The following RAB38 variants were observed in gnomAD, a reference collection of about 807,000 sequenced individuals.
The protein encoded by RAB38 is RAB38, member RAS oncogene family.
Under a neutral mutation model 18.4 loss-of-function variants are expected in RAB38, and 15 were observed. The ratio of observed to expected loss-of-function variants is 0.82; its 90% CI spans 0.55 to 1.26. The LOEUF is 1.26. RAB38 is among the 50% of genes most tolerant of loss of function. RAB38 has a pLI of 0.00. For missense variants in RAB38, 294 were observed against 267.4 expected, an observed-to-expected ratio of 1.10 and a Z score of -0.69; for synonymous variants, 101 against 104.4, an observed-to-expected ratio of 0.97 and a Z score of 0.20.
chr11:88,017,045 A>G, the RAB38 span, among the ~76,000 whole-genome samples: 11 of 152,060 alleles, frequency 7.2e-5, no homozygotes, highest in African/African-American at 2.7e-4. Context: ...TAAGAGTCAT[A>G]AAAAGCTTCA....
At chr11:87,914,621 G>A in the RAB38 span, among the ~76,000 whole-genome samples, 2 of 152,140 alleles carry the variant, frequency 1.3e-5, no homozygotes, top group Non-Finnish European at 2.9e-5. Flanking sequence ...TTCAGAAGAG[G>A]AATCCAAGGG....
At chr11:88,041,939 G>A in the RAB38 span, among the ~76,000 whole-genome samples, 2 of 152,098 alleles carry the variant, frequency 1.3e-5, no homozygotes, top group Non-Finnish European at 2.9e-5. Context: ...GCTATGAGGT[G>A]CCAGTGGGTT....
chr11:87,905,860 C>A, the RAB38 span, among the ~76,000 whole-genome samples: 1 of 151,900 alleles, frequency 6.6e-6, no homozygotes, highest in Non-Finnish European at 1.5e-5. Context: ...ACTCTGACTG[C>A]AAATTAGATT....
Position 88,114,038 on chromosome 11 carries a change from G to C in RAB38, c.586C>G (p.His196Asp). ...ESIEPDVVKP[H>D]LTSTKVASCS... ...CTGGCAACCTTGGTTGATGTGAGAT[G>C]GGGCTTCACGACGTCCGGCTCAATA... Residue 196 changes from histidine (H) to aspartate (D), a missense_variant, in exon 3 of 3, where the codon CAT (histidine) becomes GAT (aspartate). By Grantham distance (81) the His-to-Asp change is moderately conservative (BLOSUM62 -1). Coordinates refer to ENST00000243662, the MANE Select transcript of RAB38 (RefSeq NM_022337.3). 6.2e-7 allele frequency: 1 copy of C among 1,614,130 alleles called. No homozygotes were observed. Among genetic ancestry groups the C allele is most frequent in the Non-Finnish European group, 8.5e-7 (1 of 1,180,020 alleles).
intron 2 of RAB38, among the ~76,000 whole-genome samples, chr11:88,125,933 T>C (rs1376491898): frequency 1.3e-5 from 2 of 152,362 alleles, no homozygotes; most frequent in Admixed American, 6.5e-5. Context: ...TTTCTACATA[T>C]GGCTAGCCAG....
At chr11:87,865,596 G>A in the RAB38 span, among the ~76,000 whole-genome samples, 9 of 151,768 alleles carry the variant, frequency 5.9e-5, no homozygotes, top group South Asian at 4.2e-4. Flanking sequence ...GATGAAATAT[G>A]TTGCCTGAAG....
the RAB38 span, among the ~76,000 whole-genome samples, chr11:88,026,897 A>G: frequency 6.6e-6 from 1 of 152,192 alleles, no homozygotes; most frequent in African/African-American, 2.4e-5. Context: ...TCGAGATAAC[A>G]AAGCTGGCAA....
intron 2 of RAB38, among the ~76,000 whole-genome samples, chr11:88,145,468 A>G (rs1409264827): frequency 6.6e-6 from 1 of 152,078 alleles, no homozygotes; most frequent in Admixed American, 6.6e-5. Flanking sequence ...TAATGTTCAC[A>G]GTAGCTCTAG....
the RAB38 span, among the ~76,000 whole-genome samples, chr11:87,892,985 C>A: frequency 6.6e-6 from 1 of 151,476 alleles, no homozygotes; most frequent in Non-Finnish European, 1.5e-5. Flanking sequence ...ATGTTAGAGA[C>A]CCTGGTATAA....
At chr11:88,125,397 A>G (rs546186063) in intron 2 of RAB38, among the ~76,000 whole-genome samples, 2 of 152,164 alleles carry the variant, frequency 1.3e-5, no homozygotes, top group Non-Finnish European at 2.9e-5. Context: ...CAGAACAAAC[A>G]TAACTTTTTT....
chr11:87,856,048 T>C, the RAB38 span, among the ~76,000 whole-genome samples: 7 of 152,188 alleles, frequency 4.6e-5, no homozygotes, highest in African/African-American at 9.7e-5. Context: ...AATTTACTAA[T>C]TTCAAACTTA....
chr11:88,086,164 T>C, the RAB38 span, among the ~76,000 whole-genome samples: 3 of 151,966 alleles, frequency 2.0e-5, no homozygotes, highest in Admixed American at 2.0e-4. Flanking sequence ...AATCTTATTA[T>C]TGTGACTCTG....
chr11:87,859,143 T>A, the RAB38 span, among the ~76,000 whole-genome samples: 1 of 151,746 alleles, frequency 6.6e-6, no homozygotes, highest in Non-Finnish European at 1.5e-5. Flanking sequence ...AAATTCTAAA[T>A]GTTTTAAAAG....
chr11:88,129,078 A>G (rs748522445), intron 2 of RAB38, among the ~76,000 whole-genome samples: 1 of 152,234 alleles, frequency 6.6e-6, no homozygotes, highest in Non-Finnish European at 1.5e-5. Flanking sequence ...GACATAAGCA[A>G]TGCATAATTT....
the RAB38 span, among the ~76,000 whole-genome samples, chr11:88,054,893 T>C: frequency 3.3e-5 from 5 of 152,200 alleles, no homozygotes. Flanking sequence ...GGCATGAGAA[T>C]TCATTTCCCT....
At chr11:87,879,010 T>C in the RAB38 span, among the ~76,000 whole-genome samples, 3 of 150,212 alleles carry the variant, frequency 2.0e-5, no homozygotes, top group Non-Finnish European at 4.4e-5. Context: ...AAAATATGTA[T>C]TGCCTAGGAA....
the RAB38 span, among the ~76,000 whole-genome samples, chr11:87,962,401 C>T: frequency 9.2e-5 from 14 of 151,986 alleles, no homozygotes; most frequent in African/African-American, 3.4e-4. Context: ...AGGACAAATA[C>T]CACATGATCT....
At chr11:88,097,755 A>T in the RAB38 span, among the ~76,000 whole-genome samples, 2 of 151,896 alleles carry the variant, frequency 1.3e-5, no homozygotes, top group Admixed American at 6.6e-5. Context: ...AGTCCTAAAA[A>T]TCTAGAAAAG....
chr11:87,852,017 A>T, the RAB38 span, among the ~76,000 whole-genome samples: 4 of 152,140 alleles, frequency 2.6e-5, no homozygotes, highest in Non-Finnish European at 5.9e-5. Context: ...TTGATGAAAA[A>T]GTGCACAGTC....
Sources: allele counts gnomAD v4.1 joint callset (sites outside exome capture counted in the v4.1 genomes callset), GRCh38; gene constraint gnomAD v4.1.1; transcripts MANE v1.5; gene names NCBI Gene and HGNC (gene_info 2026-07-23, HGNC 2026-07-21).